Variants in STOX2 observed in about 807,000 individuals in gnomAD.
STOX2 encodes the protein storkhead box 2, also known as storkhead-box protein 2.
In STOX2, 28 loss-of-function variants were observed where a neutral mutation model predicts 60.9. The ratio of observed to expected loss-of-function variants is 0.46; its 90% CI spans 0.34 to 0.63. The LOEUF (loss-of-function observed/expected upper bound fraction) is 0.63, where lower values mean the gene tolerates loss of function less well. Ranked by LOEUF, STOX2 falls within the 30% of genes least tolerant of loss-of-function variation. The probability of loss-of-function intolerance (pLI) is 0.01; values close to 1 mark genes in which losing one functional copy is unlikely to be tolerated. For missense variants in STOX2, 1,024 were observed against 1,187.7 expected (o/e 0.86, Z 2.03); for synonymous variants, 472 against 463.9 (o/e 1.02, Z -0.22).
chr4:183,928,444 G>A (rs891681835), intron 1 of STOX2, among the ~76,000 whole-genome samples: 9 of 152,302 alleles, frequency 5.9e-5, no homozygotes, highest in East Asian at 1.9e-4. Context: ...CTTGAGAAAC[G>A]TATCTTTCAG....
At chr4:183,940,582 T>A (rs1579444356) in intron 1 of STOX2, among the ~76,000 whole-genome samples, 1 of 152,238 alleles carries the variant, frequency 6.6e-6, no homozygotes, top group South Asian at 2.1e-4. Context: ...CACAAAGATG[T>A]TGTCATCAAA....
intron 1 of STOX2, among the ~76,000 whole-genome samples, chr4:183,895,181 T>C (rs914690574): frequency 6.6e-6 from 1 of 152,184 alleles, no homozygotes; most frequent in African/African-American, 2.4e-5. Flanking sequence ...TTTCATCCTT[T>C]CTTATGATAG....
intron 1 of STOX2, among the ~76,000 whole-genome samples, chr4:183,851,837 G>A (rs1740148795): frequency 1.1e-5 from 1 of 89,264 alleles, no homozygotes; most frequent in Non-Finnish European, 2.3e-5. Context: ...GGGAAACGAT[G>A]AGGGAAAGGA....
chr4:183,880,231 G>A (rs1220392890), intron 1 of STOX2, among the ~76,000 whole-genome samples: 2 of 152,044 alleles, frequency 1.3e-5, no homozygotes, highest in African/African-American at 4.8e-5. Context: ...TGATCCGCCC[G>A]CCTTGGCCTC....
chr4:183,842,443 G>A (rs1053443908), intron 1 of STOX2, among the ~76,000 whole-genome samples: 20 of 152,086 alleles, frequency 1.3e-4, no homozygotes, highest in Admixed American at 1.2e-3. Flanking sequence ...ATAAATTATA[G>A]GTACTCTGCC....
chr4:183,837,489 C>G (rs578165608), intron 1 of STOX2, among the ~76,000 whole-genome samples: 1 of 151,434 alleles, frequency 6.6e-6, no homozygotes. Flanking sequence ...GATAGAGTCT[C>G]TCTCTGTCAC....
intron 1 of STOX2, among the ~76,000 whole-genome samples, chr4:183,998,141 T>C (rs1733424631): frequency 6.6e-6 from 1 of 152,234 alleles, no homozygotes; most frequent in East Asian, 1.9e-4. Context: ...TTTGTATCTT[T>C]CATCTTCTGA....
At chr4:183,828,295 T>C (rs1739481310) in intron 1 of STOX2, among the ~76,000 whole-genome samples, 1 of 151,914 alleles carries the variant, frequency 6.6e-6, no homozygotes, top group Admixed American at 6.6e-5. Flanking sequence ...AGTCATAAGT[T>C]TGGGTGAGTG....
chr4:184,022,776 G>C lies in STOX2; in HGVS notation c.*5492G>C, dbSNP rs183182730. On this transcript the variant is annotated 3_prime_UTR_variant, in exon 4 of 4. Transcript: ENST00000308497. ...GCAGCTCCTCCACTTCCTTTCCTCC[G>C]AGGTCCTCCTTTCCATTCTCCCACC... 2 of 152,092 alleles carry C rather than the reference G, an allele frequency of 1.3e-5. No individual in the cohort carries two copies. The highest frequency in any genetic ancestry group is 2.9e-5 in the Non-Finnish European group (2 of 68,180). 9.4% of individuals were successfully genotyped at this position (152,092 alleles called of 1,614,324 possible).
In STOX2 at chr4:184,009,426, C is replaced by T. The variant is rs1385714415; in HGVS notation, c.588C>T (p.Cys196=). 6 of 1,613,912 alleles carry T rather than the reference C, an allele frequency of 3.7e-6. No individual in the cohort carries two copies. The highest frequency in any genetic ancestry group is 5.1e-6 in the Non-Finnish European group (6 of 1,179,906). ...AAAGGACATTGCCCCGAAACCACTG[C>T]GACTCTTGCCACTGCTGCAGAGAAG... The part of the protein sequence containing the change: ...VRERTLPRNH[C]DSCHCCREDV... The change falls in exon 3 of 4, where the codon TGC becomes TGT. Residue 196 remains cysteine, a synonymous_variant. Transcript: ENST00000308497. The surrounding 1 kb of genome is among the most constrained non-coding windows in gnomAD (Gnocchi z 4.0).
intron 3 of STOX2, among the ~76,000 whole-genome samples, chr4:184,012,587 C>CATT (rs889791759): frequency 6.6e-6 from 1 of 151,980 alleles, no homozygotes; most frequent in South Asian, 2.1e-4. Flanking sequence ...AGGGCTGGTT[C>CATT]ATTATTATTA....
chr4:183,896,717 C>T (rs544169253), intron 1 of STOX2, among the ~76,000 whole-genome samples: 102 of 152,330 alleles, frequency 6.7e-4, no homozygotes, highest in African/African-American at 2.3e-3. Context: ...CTCATCTGAT[C>T]TTCACGATTT....
At chr4:183,858,840 A>G (rs73012641) in intron 1 of STOX2, among the ~76,000 whole-genome samples, 84 of 152,294 alleles carry the variant, frequency 5.5e-4, no homozygotes, top group African/African-American at 2.0e-3. Flanking sequence ...TGGATCTAGA[A>G]ATATAATACT....
intron 1 of STOX2, among the ~76,000 whole-genome samples, chr4:183,962,057 C>T (rs2111163008): frequency 6.6e-6 from 1 of 152,196 alleles, no homozygotes; most frequent in East Asian, 1.9e-4. Context: ...TTTGATTGTT[C>T]TGTTACCTTC....
intron 1 of STOX2, among the ~76,000 whole-genome samples, chr4:183,937,991 A>T (rs1421582936): frequency 6.6e-6 from 1 of 151,824 alleles, no homozygotes; most frequent in African/African-American, 2.4e-5. Context: ...CTACAAAAAA[A>T]TCAGAAAATT....
intron 1 of STOX2, among the ~76,000 whole-genome samples, chr4:183,946,847 G>A (rs1376523353): frequency 6.6e-6 from 1 of 152,044 alleles, no homozygotes; most frequent in Non-Finnish European, 1.5e-5. Flanking sequence ...GGCTGGTCTC[G>A]AACTCCTGAC....
intron 1 of STOX2, among the ~76,000 whole-genome samples, chr4:183,815,401 G>A (rs1478702431): frequency 2.0e-5 from 3 of 152,068 alleles, no homozygotes; most frequent in Non-Finnish European, 4.4e-5. Context: ...TAATGATGAT[G>A]ACACTTAATA....
chr4:183,900,592 A>T (rs1579390249), upstream of STOX2, among the ~76,000 whole-genome samples: 1 of 152,240 alleles, frequency 6.6e-6, no homozygotes, highest in Admixed American at 6.5e-5. Context: ...CAAAAATTCA[A>T]ACTGCAAGTT....
At chr4:183,827,561 C>T (rs1188631746) in intron 1 of STOX2, among the ~76,000 whole-genome samples, 3 of 152,060 alleles carry the variant, frequency 2.0e-5, no homozygotes, top group African/African-American at 7.2e-5. Context: ...CTTTACTCAG[C>T]TTTAATGTAA....
Sources: allele counts gnomAD v4.1 joint callset (sites outside exome capture counted in the v4.1 genomes callset), GRCh38; gene constraint gnomAD v4.1.1; non-coding constraint Gnocchi (gnomAD v3.1); transcripts MANE v1.5; gene names NCBI Gene and HGNC (gene_info 2026-07-23, HGNC 2026-07-21).